Variants in KCNB2 observed in about 807,000 individuals in gnomAD.
The protein encoded by KCNB2 is potassium voltage-gated channel subfamily B member 2.
A neutral mutation model predicts 61.5 loss-of-function variants in KCNB2; 15 were observed. That is an observed-to-expected ratio of 0.24 (90% CI 0.16 to 0.38). The LOEUF is 0.38. KCNB2 is among the 10% of genes least tolerant of loss of function. The probability of loss-of-function intolerance (pLI) is 1.00; values close to 1 mark genes in which losing one functional copy is unlikely to be tolerated. For missense variants in KCNB2, 828 were observed against 1,125.2 expected, an observed-to-expected ratio of 0.74 and a Z score of 3.78; for synonymous variants, 457 against 446.0, an observed-to-expected ratio of 1.02 and a Z score of -0.31.
At chr8:72,603,195 A>G (rs901044874) in intron 2 of KCNB2, among the ~76,000 whole-genome samples, 5 of 152,144 alleles carry the variant, frequency 3.3e-5, no homozygotes, top group African/African-American at 1.2e-4. Flanking sequence ...AATGGCTCCT[A>G]TTGGTTTATA....
At chr8:72,576,412 TGTATTTATAAG>T (rs1585761542) in intron 2 of KCNB2, among the ~76,000 whole-genome samples, 2 of 152,224 alleles carry the variant, frequency 1.3e-5, no homozygotes, top group African/African-American at 4.8e-5. Flanking sequence ...TATATGTTAC[TGTATTTATAAG>T]GGAGATTATG....
At chr8:72,655,705 ATTAT>A (rs1373646976) in intron 2 of KCNB2, among the ~76,000 whole-genome samples, 1 of 152,206 alleles carries the variant, frequency 6.6e-6, no homozygotes, top group African/African-American at 2.4e-5. Flanking sequence ...TATATGTAAT[ATTAT>A]TTAAGGAGTA....
chr8:72,564,893 G>A (rs1482303800), intron 1 of KCNB2, among the ~76,000 whole-genome samples: 1 of 152,082 alleles, frequency 6.6e-6, no homozygotes, highest in East Asian at 1.9e-4. Context: ...TCAGTGCTTG[G>A]AAACCAAACT....
At chr8:72,689,848 A>G (rs1423052661) in intron 2 of KCNB2, among the ~76,000 whole-genome samples, 1 of 152,192 alleles carries the variant, frequency 6.6e-6, no homozygotes, top group Non-Finnish European at 1.5e-5. Context: ...TGGAATTAAA[A>G]AAAAACTTCT....
At chr8:72,757,008 A>C in intron 2 of KCNB2, among the ~76,000 whole-genome samples, 1 of 152,262 alleles carries the variant, frequency 6.6e-6, no homozygotes, top group Admixed American at 6.5e-5. Flanking sequence ...CCAGAAATAT[A>C]ATTTGGAAAT....
rs971572894 is a variant in KCNB2 at position 72,717,753 on chromosome 8, G to A, written c.579+149440G>A. On this transcript the variant is annotated intron_variant, in intron 2 of 2. Coordinates refer to ENST00000523207, the MANE Select transcript of KCNB2 (RefSeq NM_004770.3). ...AATACCATTCAGGACATAGGCATGG[G>A]CAAGGACTTCATGACTAAAACACCA... Among the ~76,000 whole-genome samples, 206 of 152,206 alleles carry A rather than the reference G, an allele frequency of 1.4e-3. 1 individual carries two copies. The highest frequency in any genetic ancestry group is 4.7e-3 in the African/African-American group (197 of 41,514).
intron 2 of KCNB2, among the ~76,000 whole-genome samples, chr8:72,787,955 G>A (rs1290503209): frequency 6.6e-6 from 1 of 152,074 alleles, no homozygotes; most frequent in Non-Finnish European, 1.5e-5. Context: ...TCCAGATCTG[G>A]TGCTTCTTAC....
chr8:72,707,820 G>A (rs1807253922), intron 2 of KCNB2, among the ~76,000 whole-genome samples: 1 of 152,108 alleles, frequency 6.6e-6, no homozygotes, highest in Non-Finnish European at 1.5e-5. Context: ...CATCAATTAA[G>A]GTATCAGCCA....
At chr8:72,790,544 G>A (rs922981022) in intron 2 of KCNB2, among the ~76,000 whole-genome samples, 1 of 152,148 alleles carries the variant, frequency 6.6e-6, no homozygotes, top group Non-Finnish European at 1.5e-5. Flanking sequence ...ATGGGAGGAG[G>A]AAATGCAGGC....
intron 2 of KCNB2, among the ~76,000 whole-genome samples, chr8:72,773,377 A>G (rs1015540685): frequency 1.3e-5 from 2 of 152,206 alleles, no homozygotes; most frequent in African/African-American, 4.8e-5. Flanking sequence ...AGTCATGTCA[A>G]TACTAATAGA....
intron 2 of KCNB2, among the ~76,000 whole-genome samples, chr8:72,776,872 C>G (rs530509694): frequency 6.6e-6 from 1 of 152,252 alleles, no homozygotes; most frequent in Admixed American, 6.5e-5. Flanking sequence ...GACCTAAGCT[C>G]TCCACCTTTG....
intron 2 of KCNB2, among the ~76,000 whole-genome samples, chr8:72,780,953 T>C (rs1202017835): frequency 6.6e-6 from 1 of 152,244 alleles, no homozygotes; most frequent in Non-Finnish European, 1.5e-5. Context: ...GTGGTTTTGA[T>C]TTGCATTTCT....
At chr8:72,539,473 A>G (rs1317789835) in intron 1 of KCNB2, among the ~76,000 whole-genome samples, 1 of 152,210 alleles carries the variant, frequency 6.6e-6, no homozygotes, top group Non-Finnish European at 1.5e-5. Context: ...AATTCTGTAT[A>G]ATGTACCCTT....
chr8:72,605,662 C>G (rs1162772538), intron 2 of KCNB2, among the ~76,000 whole-genome samples: 1 of 152,126 alleles, frequency 6.6e-6, no homozygotes, highest in East Asian at 1.9e-4. Flanking sequence ...TGAAGTTACA[C>G]ACAAAATAAT....
intron 2 of KCNB2, among the ~76,000 whole-genome samples, chr8:72,785,130 A>G (rs1808826558): frequency 6.6e-6 from 1 of 152,220 alleles, no homozygotes; most frequent in South Asian, 2.1e-4. Flanking sequence ...TAATTTGAGT[A>G]GATAATTTGA....
At chr8:72,635,657 C>A (rs1463720846) in intron 2 of KCNB2, among the ~76,000 whole-genome samples, 1 of 152,164 alleles carries the variant, frequency 6.6e-6, no homozygotes, top group Non-Finnish European at 1.5e-5. Flanking sequence ...AGGTCCTCTG[C>A]AAATGCTGGT....
At chr8:72,790,829 T>A (rs1808930294) in intron 2 of KCNB2, among the ~76,000 whole-genome samples, 1 of 152,226 alleles carries the variant, frequency 6.6e-6, no homozygotes, top group Admixed American at 6.5e-5. Flanking sequence ...CCAGCTGACA[T>A]AAAAGTCTTA....
intron 2 of KCNB2, among the ~76,000 whole-genome samples, chr8:72,910,896 A>G (rs1471225760): frequency 6.6e-6 from 1 of 152,230 alleles, no homozygotes; most frequent in Non-Finnish European, 1.5e-5. Context: ...AAAGACCTTC[A>G]GGGTCTGAAT....
At chr8:72,623,937 C>A (rs16938262) in intron 2 of KCNB2, among the ~76,000 whole-genome samples, 4,045 of 152,240 alleles carry the variant, frequency 0.027, 74 homozygotes, top group South Asian at 0.079. Flanking sequence ...CATGATCACC[C>A]CTTTCTTTCA....
Sources: allele counts gnomAD v4.1 joint callset (sites outside exome capture counted in the v4.1 genomes callset), GRCh38; gene constraint gnomAD v4.1.1; transcripts MANE v1.5; gene names NCBI Gene and HGNC (gene_info 2026-07-23, HGNC 2026-07-21).